The following FRMPD4 variants were observed in gnomAD, a reference collection of about 807,000 sequenced individuals.
FRMPD4 encodes FERM and PDZ domain-containing protein 4.
In FRMPD4, 22 loss-of-function variants were observed where a neutral mutation model predicts 94.1. The observed-to-expected ratio is 0.23, with a 90% CI of 0.17 to 0.33. The LOEUF (loss-of-function observed/expected upper bound fraction) is 0.33, where lower values mean the gene tolerates loss of function less well. FRMPD4 is among the 10% of genes least tolerant of loss of function. FRMPD4 has a pLI of 1.00. For missense variants in FRMPD4, 1,111 were observed against 1,339.9 expected, an observed-to-expected ratio of 0.83 and a Z score of 2.67; for synonymous variants, 631 against 548.6, an observed-to-expected ratio of 1.15 and a Z score of -2.10.
rs73436783 is a variant in FRMPD4 at position 12,461,807 on chromosome X, G to A, written c.42-36873G>A. Among the ~76,000 whole-genome samples the A allele has an allele frequency of 8.2e-3, 915 of 111,761 alleles. 11 individuals are homozygous for A. The highest frequency in any genetic ancestry group is 0.028 in the African/African-American group (869 of 30,788). On this transcript the variant is annotated intron_variant, in intron 1 of 16. Coordinates refer to ENST00000675598, the MANE Select transcript of FRMPD4 (RefSeq NM_001368397.1). ...TACTAGCCCATACCATATACAAGAA[G>A]TCTTCCTACTGTATGACTTTTACTA... is the stretch of plus-strand genomic sequence containing the variant.
chrX:12,542,653 C>T (rs2058428825), intron 2 of FRMPD4, among the ~76,000 whole-genome samples: 1 of 111,587 alleles, frequency 9.0e-6, no homozygotes, highest in Non-Finnish European at 1.9e-5. Flanking sequence ...ATGAAAATGG[C>T]CATACTGCCC....
chrX:11,889,378 C>T (rs1331306851), intron 3 of FRMPD4, among the ~76,000 whole-genome samples: 2 of 111,934 alleles, frequency 1.8e-5, no homozygotes, highest in Non-Finnish European at 3.8e-5. Context: ...CAGGAGCATA[C>T]TGAATGTTGT....
rs2042237386 is a variant in FRMPD4 at position 12,721,410 on chromosome X, A to C, written c.4841A>C (p.Asn1614Thr). 1 of 754,755 alleles carries C rather than the reference A, an allele frequency of 1.3e-6. No homozygotes were observed. The allele number at this position is 754,755 out of a possible 1,213,427, so 62.2% of individuals were successfully genotyped here. A position where few individuals can be genotyped will look rare whatever the true frequency, so the allele number is the denominator to read the frequency against. The change falls in exon 17 of 17, where the codon AAT (asparagine) becomes ACT (threonine). Residue 1614 changes from asparagine to threonine, a missense_variant. Asn to Thr is a moderately conservative substitution (Grantham distance 65, BLOSUM62 0). Around this residue, in one of 8 missense-constraint regions of FRMPD4, gnomAD observed 551 missense variants for 591.6 expected, o/e 0.93. Coordinates refer to ENST00000675598, the MANE Select transcript of FRMPD4 (RefSeq NM_001368397.1). ...DGFLAAQNDA[N>T]ELLCLVRATK... The stretch of plus-strand genomic sequence containing the variant: ...TTCCTTGCAGCCCAAAATGATGCCA[A>C]TGAGCTGCTCTGTCTCGTCAGGGCA...
chrX:12,471,557 G>T (rs370773719), intron 1 of FRMPD4, among the ~76,000 whole-genome samples: 1 of 111,513 alleles, frequency 9.0e-6, no homozygotes, highest in South Asian at 3.8e-4. Context: ...TCAGGCAACA[G>T]GATGACTTGA....
chrX:12,221,859 G>T (rs1338510111), intron 1 of FRMPD4, among the ~76,000 whole-genome samples: 4 of 111,896 alleles, frequency 3.6e-5, no homozygotes, highest in Non-Finnish European at 7.5e-5. Context: ...ATCAGGAAAT[G>T]GTTAAGGGAA....
At chrX:12,315,728 A>G (rs1005816490) in intron 1 of FRMPD4, among the ~76,000 whole-genome samples, 2 of 112,482 alleles carry the variant, frequency 1.8e-5, no homozygotes, top group Admixed American at 1.9e-4. Flanking sequence ...AAATGTTGTC[A>G]TGGGAGCTTG....
chrX:12,249,394 C>A (rs777400350), intron 1 of FRMPD4, among the ~76,000 whole-genome samples: 1 of 111,180 alleles, frequency 9.0e-6, no homozygotes, highest in Non-Finnish European at 1.9e-5. Flanking sequence ...TTTAATAGGG[C>A]AGCATAGACA....
intron 4 of FRMPD4, among the ~76,000 whole-genome samples, chrX:12,664,416 G>T (rs1188321794): frequency 8.9e-6 from 1 of 111,947 alleles, no homozygotes; most frequent in Non-Finnish European, 1.9e-5. Context: ...GCATGAAGAG[G>T]TGTTGAGTTT....
intron 1 of FRMPD4, among the ~76,000 whole-genome samples, chrX:11,863,499 G>A (rs1226914802): frequency 2.7e-5 from 3 of 110,897 alleles, no homozygotes; most frequent in African/African-American, 9.8e-5. Context: ...AGATTATGGA[G>A]GTCTACAGCA....
At chrX:12,453,093 T>C (rs989447705) in intron 1 of FRMPD4, among the ~76,000 whole-genome samples, 1 of 112,460 alleles carries the variant, frequency 8.9e-6, no homozygotes, top group Non-Finnish European at 1.9e-5. Flanking sequence ...GCAAGTAGTA[T>C]AGAAGCACTG....
At position 12,215,349 on chromosome X, in the gene FRMPD4, G is replaced by A. The variant is rs137918414; in HGVS notation, c.41+76337G>A. Among the ~76,000 whole-genome samples the A allele has an allele frequency of 8.4e-3, 931 of 110,799 alleles. 16 individuals carry two copies. Among genetic ancestry groups the A allele is most frequent in the African/African-American group, 0.029 (871 of 30,468 alleles). The stretch of plus-strand genomic sequence containing the variant: ...GGTTGTCTGCAGTAGCCTCTTTCCA[G>A]GTAGCAGTGCTAATGTTCTCCCCAA... On this transcript the variant is annotated intron_variant, in intron 1 of 16. Coordinates refer to ENST00000675598, the MANE Select transcript of FRMPD4 (RefSeq NM_001368397.1).
At position 12,723,106 on chromosome X, in the gene FRMPD4, T is replaced by A. The variant is rs1309802730; in HGVS notation, c.*1248T>A. On this transcript the variant is annotated 3_prime_UTR_variant, in exon 17 of 17. Transcript: ENST00000675598. ...TAAATACTTAATCTGGATTGGCTGA[T>A]AAAAATATGAAATCTGAAAAAAAAA... 1 of 108,834 alleles carries A rather than the reference T, an allele frequency of 9.2e-6. No individual in the cohort carries two copies. Among genetic ancestry groups the A allele is most frequent in the African/African-American group, 3.4e-5 (1 of 29,647 alleles). The allele number at this position is 108,834 out of a possible 1,213,427, so 9.0% of individuals were successfully genotyped here. A position where few individuals can be genotyped will look rare whatever the true frequency, so the allele number is the denominator to read the frequency against.
intron 1 of FRMPD4, among the ~76,000 whole-genome samples, chrX:11,857,632 A>G (rs775061768): frequency 1.8e-5 from 2 of 113,071 alleles, no homozygotes; most frequent in South Asian, 7.2e-4. Flanking sequence ...CTGGAAGGCA[A>G]TACCATTCAG....
intron 3 of FRMPD4, among the ~76,000 whole-genome samples, chrX:12,044,304 T>C (rs2054773715): frequency 8.9e-6 from 1 of 112,528 alleles, no homozygotes; most frequent in African/African-American, 3.2e-5. Context: ...CTTAACTCTG[T>C]CAGTTCATCC....
At chrX:12,681,715 ACACG>A (rs2059974404) in intron 5 of FRMPD4, among the ~76,000 whole-genome samples, 2 of 110,212 alleles carry the variant, frequency 1.8e-5, no homozygotes, top group African/African-American at 6.6e-5. Flanking sequence ...ACACACACAC[ACACG>A]CACGCACACA....
chrX:12,325,775 A>G (rs1569231915), intron 1 of FRMPD4, among the ~76,000 whole-genome samples: 1 of 112,154 alleles, frequency 8.9e-6, no homozygotes, highest in Non-Finnish European at 1.9e-5. Flanking sequence ...TAGAATCTAC[A>G]TTTTAACAGG....
intron 1 of FRMPD4, among the ~76,000 whole-genome samples, chrX:12,264,518 A>G (rs1327271499): frequency 8.9e-6 from 1 of 112,020 alleles, no homozygotes; most frequent in East Asian, 2.8e-4. Flanking sequence ...ATTTTGCCCT[A>G]TATTAATATG....
intron 4 of FRMPD4, among the ~76,000 whole-genome samples, chrX:12,618,277 C>T (rs534793731): frequency 1.7e-4 from 19 of 111,812 alleles, no homozygotes; most frequent in South Asian, 1.1e-3. Context: ...CCCACTCCCA[C>T]GGCTAGCCAG....
At chrX:12,337,717 G>A (rs1021468331) in intron 1 of FRMPD4, among the ~76,000 whole-genome samples, 1 of 112,194 alleles carries the variant, frequency 8.9e-6, no homozygotes, top group African/African-American at 3.2e-5. Context: ...TTCAAAAAAA[G>A]GCAGTTGGTG....
Sources: gnomAD v4.1 joint callset for allele counts (sites outside exome capture counted in the v4.1 genomes callset) on GRCh38, gnomAD v4.1.1 for gene constraint, gnomAD v4.1.1 regional missense constraint, MANE v1.5 for transcripts, NCBI Gene and HGNC (gene_info 2026-07-23, HGNC 2026-07-21) for gene names.